DZANK1: variants seen among roughly 807,000 people sequenced by gnomAD.
DZANK1 encodes double zinc ribbon and ankyrin repeat-containing protein 1.
DZANK1 carries 91 observed loss-of-function variants against 94.5 expected under a neutral mutation model. That is an observed-to-expected ratio of 0.96 (90% CI 0.81 to 1.15). The LOEUF (loss-of-function observed/expected upper bound fraction) is 1.15, where lower values mean the gene tolerates loss of function less well. DZANK1 is among the 50% of genes most tolerant of loss of function. DZANK1 has a pLI of 0.00. For synonymous variants in DZANK1, 312 were observed against 325.3 expected (o/e 0.96, Z 0.44); for missense variants, 903 against 916.4 (o/e 0.99, Z 0.19).
chr20:18,392,410 G>A (rs1568875310), intron 17 of DZANK1, among the ~76,000 whole-genome samples: 1 of 152,234 alleles, frequency 6.6e-6, no homozygotes, highest in Non-Finnish European at 1.5e-5. Flanking sequence ...AGAGGAATCA[G>A]GAGGCAAGCT....
intron 10 of DZANK1, among the ~76,000 whole-genome samples, chr20:18,416,096 C>G (rs950735892): frequency 3.9e-5 from 6 of 152,180 alleles, no homozygotes; most frequent in African/African-American, 1.4e-4. Context: ...TGCCCTGCAC[C>G]CTCACGTCAG....
chr20:18,401,029 C>T (rs890134651), intron 13 of DZANK1, among the ~76,000 whole-genome samples: 6 of 152,080 alleles, frequency 3.9e-5, no homozygotes, highest in South Asian at 2.1e-4. Context: ...CTCCGCCTCC[C>T]GGGTTCAAGC....
At chr20:18,417,811 T>C (rs1304921210) in intron 10 of DZANK1, among the ~76,000 whole-genome samples, 1 of 151,720 alleles carries the variant, frequency 6.6e-6, no homozygotes, top group Non-Finnish European at 1.5e-5. Context: ...ATAGGCCGGG[T>C]GTGGTGGCTC....
chr20:18,430,635 T>C (rs2058244495), intron 9 of DZANK1, among the ~76,000 whole-genome samples: 1 of 152,002 alleles, frequency 6.6e-6, no homozygotes, highest in Admixed American at 6.6e-5. Context: ...GGCAACAAGG[T>C]GAAACCCCAT....
intron 10 of DZANK1, among the ~76,000 whole-genome samples, chr20:18,422,241 T>C (rs1234919866): frequency 6.6e-6 from 1 of 152,238 alleles, no homozygotes. Flanking sequence ...AAGGATCTAA[T>C]TTCATGCTTC....
intron 17 of DZANK1, among the ~76,000 whole-genome samples, chr20:18,392,552 A>T (rs1297146241): frequency 1.3e-5 from 2 of 152,196 alleles, no homozygotes; most frequent in Non-Finnish European, 2.9e-5. Context: ...TGCTAATCAC[A>T]TCTGTTCTTT....
chr20:18,434,545 CAAAA>C (rs55680576), intron 8 of DZANK1, among the ~76,000 whole-genome samples: 43 of 47,578 alleles, frequency 9.0e-4, no homozygotes, highest in Admixed American at 5.1e-3. Context: ...GACTCCTGCT[CAAAA>C]AAAAAAAAAA....
intron 13 of DZANK1, among the ~76,000 whole-genome samples, chr20:18,404,827 T>C (rs1293531480): frequency 3.9e-5 from 6 of 151,980 alleles, no homozygotes; most frequent in Non-Finnish European, 8.8e-5. Flanking sequence ...TGAAAAGATC[T>C]CTTGAGCCCA....
At chr20:18,443,515 A>G (rs1287670280) in intron 7 of DZANK1, 51 bp from the exon 8 acceptor site, 2 of 1,037,496 alleles carry the variant, frequency 1.9e-6, no homozygotes, top group Non-Finnish European at 2.7e-6. Context: ...GCCCACATTA[A>G]GAAGACTGAT....
intron 10 of DZANK1, among the ~76,000 whole-genome samples, chr20:18,423,889 T>A (rs2057908264): frequency 6.7e-6 from 1 of 149,458 alleles, no homozygotes; most frequent in African/African-American, 2.4e-5. Context: ...AAAAAGAAAA[T>A]CAGATTAAAC....
At chr20:18,437,586 GA>G (rs1307587669) in intron 8 of DZANK1, among the ~76,000 whole-genome samples, 1 of 149,778 alleles carries the variant, frequency 6.7e-6, no homozygotes, top group East Asian at 2.0e-4. Context: ...CTGTCTCAAA[GA>G]AAAGAAAAAA....
chr20:18,465,527 A>C (rs1159325117), intron 1 of DZANK1, 150 bp from the exon 2 acceptor site: 2 of 329,260 alleles, frequency 6.1e-6, no homozygotes, highest in African/African-American at 2.1e-5. Context: ...TAATAATTAC[A>C]TTTCATCTGT....
intron 13 of DZANK1, 44 bp from the exon 14 acceptor site, chr20:18,398,670 G>A (rs760087765): frequency 1.3e-6 from 2 of 1,549,526 alleles, no homozygotes; most frequent in East Asian, 2.2e-5. Context: ...ATTCTCCTGA[G>A]ACTAAGAAAG....
At chr20:18,425,171 A>G (rs1207927749) in intron 10 of DZANK1, among the ~76,000 whole-genome samples, 1 of 152,226 alleles carries the variant, frequency 6.6e-6, no homozygotes, top group Non-Finnish European at 1.5e-5. Context: ...ATTTTACTGC[A>G]TATAAATCAT....
At chr20:18,427,384 G>C (rs773537963) in intron 9 of DZANK1, among the ~76,000 whole-genome samples, 1 of 151,468 alleles carries the variant, frequency 6.6e-6, no homozygotes, top group African/African-American at 2.4e-5. Context: ...GATGGGATCC[G>C]ACTGTGTTGC....
chr20:18,449,895 A>T (rs2059032065), intron 6 of DZANK1, among the ~76,000 whole-genome samples: 1 of 151,192 alleles, frequency 6.6e-6, no homozygotes, highest in Non-Finnish European at 1.5e-5. Context: ...CCTGACCAAC[A>T]TGGAGAAACC....
chr20:18,384,903 C>G, intron 20 of DZANK1, 113 bp downstream of exon 20: 1 of 1,020,900 alleles, frequency 9.8e-7, no homozygotes, highest in East Asian at 2.6e-5. Flanking sequence ...GATGGTGGTC[C>G]CCATGGACAG....
intron 10 of DZANK1, among the ~76,000 whole-genome samples, chr20:18,426,231 C>T (rs750754425): frequency 5.9e-5 from 9 of 152,094 alleles, no homozygotes; most frequent in East Asian, 1.9e-4. Flanking sequence ...CTAGGTTGCG[C>T]GTTCCTTATA....
At chr20:18,457,632 C>T (rs1038186244) in intron 3 of DZANK1, among the ~76,000 whole-genome samples, 7 of 152,182 alleles carry the variant, frequency 4.6e-5, no homozygotes, top group African/African-American at 1.2e-4. Context: ...TATGACATTG[C>T]GTTTATCCTC....
Sources: allele counts gnomAD v4.1 joint callset (sites outside exome capture counted in the v4.1 genomes callset), GRCh38; gene constraint gnomAD v4.1.1; transcripts MANE v1.5; gene names NCBI Gene and HGNC (gene_info 2026-07-23, HGNC 2026-07-21).